SRGAP2: variants seen among roughly 807,000 people sequenced by gnomAD.
SRGAP2 encodes the protein SLIT-ROBO Rho GTPase activating protein 2.
SRGAP2 carries 15 observed loss-of-function variants against 57.2 expected under a neutral mutation model. The observed-to-expected ratio is 0.26, with a 90% confidence interval of 0.18 to 0.40. The LOEUF is 0.40. Ranked by LOEUF, SRGAP2 falls within the 10% of genes least tolerant of loss-of-function variation. The pLI, the probability that SRGAP2 is intolerant of heterozygous loss-of-function variation, is 1.00. For missense variants in SRGAP2, 520 were observed against 669.6 expected (o/e 0.78, Z 2.47); for synonymous variants, 249 against 248.0 (o/e 1.00, Z -0.04).
chr1:206,305,947 AT>A (rs1278139031), intron 3 of SRGAP2, among the ~76,000 whole-genome samples: 3 of 152,048 alleles, frequency 2.0e-5, no homozygotes, highest in East Asian at 3.9e-4. Context: ...TGATAAAAAA[AT>A]GTTATTTTAG....
chr1:206,443,450 C>G (rs1485572680), intron 17 of SRGAP2, among the ~76,000 whole-genome samples: 2 of 152,214 alleles, frequency 1.3e-5, no homozygotes, highest in African/African-American at 4.8e-5. Flanking sequence ...TCTCTGCTTA[C>G]GGCAACCTCT....
chr1:206,242,186 C>T (rs1303821459), intron 2 of SRGAP2, among the ~76,000 whole-genome samples: 1 of 151,318 alleles, frequency 6.6e-6, no homozygotes, highest in Non-Finnish European at 1.5e-5. Flanking sequence ...ACCCCTCACA[C>T]CTGAGCTGTG....
chr1:206,446,680 G>T (rs77886926), intron 18 of SRGAP2, among the ~76,000 whole-genome samples: 1 of 152,308 alleles, frequency 6.6e-6, no homozygotes, highest in East Asian at 1.9e-4. Flanking sequence ...ACCATCCTGG[G>T]TCCCAGGGAA....
At chr1:206,361,466 G>C (rs1313299353) in intron 4 of SRGAP2, among the ~76,000 whole-genome samples, 2 of 152,132 alleles carry the variant, frequency 1.3e-5, no homozygotes, top group Non-Finnish European at 2.9e-5. Context: ...TTGCCTCCTG[G>C]AGATCCTGTG....
intron 3 of SRGAP2, among the ~76,000 whole-genome samples, chr1:206,325,648 T>A (rs1673822642): frequency 6.6e-6 from 1 of 151,234 alleles, no homozygotes; most frequent in African/African-American, 2.4e-5. Flanking sequence ...TCCAGGCTAC[T>A]TTTTTCTGTT....
At chr1:206,435,970 T>C (rs4845104) in intron 14 of SRGAP2, among the ~76,000 whole-genome samples, 70,698 of 152,058 alleles carry the variant, frequency 0.46, 16,748 homozygotes, top group East Asian at 0.7. Flanking sequence ...AACCAGTGCC[T>C]AGCACAATGT....
At chr1:206,355,557 C>G (rs1403335238) in intron 4 of SRGAP2, among the ~76,000 whole-genome samples, 1 of 152,054 alleles carries the variant, frequency 6.6e-6, no homozygotes, top group Non-Finnish European at 1.5e-5. Flanking sequence ...TTCATGGTGC[C>G]AGCCTACAAA....
At position 206,257,598 on chromosome 1, in the gene SRGAP2, T is replaced by C. The variant is rs568660313; in HGVS notation, c.68-45683T>C. Reference sequence around the variant, plus strand: ...GCAATAACAATTTAGATAATAGATATTTACTGAGCCCCTGCTAAGTGCCAG... The same window carrying C: ...GCAATAACAATTTAGATAATAGATACTTACTGAGCCCCTGCTAAGTGCCAG... On this transcript the variant is annotated intron_variant, in intron 2 of 22. Transcript: ENST00000573034. Among the ~76,000 whole-genome samples the C allele has an allele frequency of 3.0e-3, 425 of 142,412 alleles. 3 individuals are homozygous for C. The highest frequency in any genetic ancestry group is 0.011 in the African/African-American group (414 of 38,542). 93.4% of individuals were successfully genotyped at this position (142,412 alleles called of 152,430 possible).
intron 18 of SRGAP2, among the ~76,000 whole-genome samples, chr1:206,448,946 G>A (rs1198253132): frequency 6.6e-6 from 1 of 152,214 alleles, no homozygotes; most frequent in Non-Finnish European, 1.5e-5. Flanking sequence ...CACAGGATGA[G>A]TTCTGAACTG....
chr1:206,286,938 A>G (rs1671060926), intron 2 of SRGAP2, among the ~76,000 whole-genome samples: 2 of 152,132 alleles, frequency 1.3e-5, no homozygotes. Context: ...GATGATGAGC[A>G]GGGCTGCAGT....
intron 4 of SRGAP2, among the ~76,000 whole-genome samples, chr1:206,383,620 C>G (rs1655914369): frequency 6.6e-6 from 1 of 151,084 alleles, no homozygotes; most frequent in Non-Finnish European, 1.5e-5. Flanking sequence ...CTATTTCATC[C>G]CATTACACAT....
At chr1:206,218,180 G>T (rs1283143782) in intron 2 of SRGAP2, among the ~76,000 whole-genome samples, 3 of 151,850 alleles carry the variant, frequency 2.0e-5, no homozygotes, top group African/African-American at 7.3e-5. Flanking sequence ...ATGGTGGCGG[G>T]TGCCTGTAAT....
At position 206,369,568 on chromosome 1, in the gene SRGAP2, A is replaced by C. The variant is rs138572782; in HGVS notation, c.424-14446A>C. ...AGAACTCAGCAACAAAAAGATGACC[A>C]GTCCAGTTTAAAAATGGGCAAAAGA... On this transcript the variant is annotated intron_variant, in intron 4 of 22. Transcript: ENST00000573034. Among the ~76,000 whole-genome samples the C allele has an allele frequency of 5.6e-3, 857 of 152,382 alleles. 11 individuals are homozygous for C. Among genetic ancestry groups the C allele is most frequent in the African/African-American group, 0.02 (823 of 41,584 alleles).
At chr1:206,373,833 CAG>C (rs1345033878) in intron 4 of SRGAP2, among the ~76,000 whole-genome samples, 52 of 143,968 alleles carry the variant, frequency 3.6e-4, no homozygotes, top group African/African-American at 1.3e-3. Flanking sequence ...TCAAATGGGA[CAG>C]AATTAAAATG....
intron 4 of SRGAP2, among the ~76,000 whole-genome samples, chr1:206,358,158 G>A (rs1235039859): frequency 6.6e-6 from 1 of 152,046 alleles, no homozygotes; most frequent in East Asian, 1.9e-4. Context: ...GCCCTGGCTG[G>A]CTCAGTGGAG....
intron 4 of SRGAP2, among the ~76,000 whole-genome samples, chr1:206,353,283 C>T (rs549548911): frequency 1.3e-5 from 2 of 152,274 alleles, no homozygotes; most frequent in East Asian, 3.8e-4. Flanking sequence ...AGTCCCACAG[C>T]TTGTTAATAT....
chr1:206,461,560 C>T lies in SRGAP2; in HGVS notation c.*140C>T, dbSNP rs1228216734. ...TTGCAGGAATTAGCCTCCCCGTCTC[C>T]CAAAACCTTGAGAATGAAGCCCTTG... On this transcript the variant is annotated 3_prime_UTR_variant, in exon 23 of 23. Transcript: ENST00000573034. The T allele has an allele frequency of 2.5e-5, 16 of 645,302 alleles. No homozygotes were observed. Among genetic ancestry groups the T allele is most frequent in the Non-Finnish European group, 4.5e-5 (16 of 355,580 alleles). 40.0% of individuals were successfully genotyped at this position (645,302 alleles called of 1,614,324 possible).
intron 18 of SRGAP2, 97 bp downstream of exon 18, chr1:206,446,396 A>T: frequency 1.4e-6 from 1 of 730,146 alleles, no homozygotes; most frequent in South Asian, 1.5e-5. Flanking sequence ...AAACACCCAG[A>T]TCCTCCCAAC....
At chr1:206,410,676 C>G (rs1206542912) in intron 10 of SRGAP2, among the ~76,000 whole-genome samples, 6 of 152,142 alleles carry the variant, frequency 3.9e-5, no homozygotes, top group African/African-American at 1.4e-4. Flanking sequence ...TTTTAACGTT[C>G]TTTATCTTGG....
Sources: allele counts gnomAD v4.1 joint callset (sites outside exome capture counted in the v4.1 genomes callset), GRCh38; gene constraint gnomAD v4.1.1; transcripts MANE v1.5; gene names NCBI Gene and HGNC (gene_info 2026-07-23, HGNC 2026-07-21).